Variants in STAU2 observed in about 807,000 individuals in gnomAD.
STAU2 encodes double-stranded RNA-binding protein Staufen homolog 2.
STAU2 carries 20 observed loss-of-function variants against 65.9 expected under a neutral mutation model. The ratio of observed to expected loss-of-function variants is 0.30; its 90% CI spans 0.21 to 0.44. The LOEUF is 0.44. Among genes scored for constraint, STAU2 ranks in the 20% least tolerant of loss-of-function variants. The pLI is 1.00. For synonymous variants in STAU2, 232 were observed against 233.9 expected (o/e 0.99, Z 0.07); for missense variants, 558 against 683.9 (o/e 0.82, Z 2.05).
chr8:73,703,796 G>A (rs993023019), intron 4 of STAU2, among the ~76,000 whole-genome samples: 1 of 152,248 alleles, frequency 6.6e-6, no homozygotes, highest in East Asian at 1.9e-4. Flanking sequence ...AGCTGTGTGG[G>A]GTCCCAGGTA....
intron 12 of STAU2, among the ~76,000 whole-genome samples, chr8:73,560,866 C>T (rs1808176111): frequency 6.6e-6 from 1 of 152,146 alleles, no homozygotes; most frequent in Non-Finnish European, 1.5e-5. Context: ...GTACCTTAGT[C>T]AAATAAAAGT....
intron 12 of STAU2, among the ~76,000 whole-genome samples, chr8:73,570,200 G>A (rs1393173961): frequency 6.6e-6 from 1 of 152,164 alleles, no homozygotes; most frequent in Non-Finnish European, 1.5e-5. Flanking sequence ...TTGATCAAGT[G>A]GAAGTAAGGG....
At chr8:73,735,147 T>C (rs904956088) in intron 3 of STAU2, among the ~76,000 whole-genome samples, 2 of 152,084 alleles carry the variant, frequency 1.3e-5, no homozygotes, top group Non-Finnish European at 2.9e-5. Flanking sequence ...CCCAAGCTGG[T>C]CTCAAAATCC....
chr8:73,516,819 G>A (rs1050908416), intron 13 of STAU2, among the ~76,000 whole-genome samples: 10 of 152,126 alleles, frequency 6.6e-5, no homozygotes, highest in South Asian at 2.1e-4. Context: ...TCTCAAATCC[G>A]TGGCCTAGGG....
At chr8:73,421,508 G>A (rs1331778105) in intron 14 of STAU2, 43 bp from the exon 15 acceptor site, 3 of 1,525,676 alleles carry the variant, frequency 2.0e-6, no homozygotes, top group East Asian at 2.4e-5. Flanking sequence ...GCCTGGGGTT[G>A]CACATCTTCA....
chr8:73,424,783 C>T (rs57365702), intron 13 of STAU2, among the ~76,000 whole-genome samples: 19,620 of 151,328 alleles, frequency 0.13, 3,732 homozygotes, highest in African/African-American at 0.42. Flanking sequence ...AGTCGGCATG[C>T]GTCCTTTCTT....
At chr8:73,688,520 GTGTGTGTGTGTAGGTA>G in intron 5 of STAU2, 118 bp downstream of exon 5, 22 of 747,596 alleles carry the variant, frequency 2.9e-5, no homozygotes, top group Middle Eastern at 2.9e-4. Flanking sequence ...GTGTGTGTGT[GTGTGTGTGTGTAGGTA>G]TGGGCATATG....
chr8:73,713,319 T>A (rs1187511453), intron 3 of STAU2, among the ~76,000 whole-genome samples: 1 of 152,142 alleles, frequency 6.6e-6, no homozygotes, highest in African/African-American at 2.4e-5. Context: ...TAGGAACCAG[T>A]GAAGAAACAC....
At chr8:73,470,757 T>C (rs61393475) in intron 13 of STAU2, among the ~76,000 whole-genome samples, 45,612 of 151,792 alleles carry the variant, frequency 0.3, 7,407 homozygotes, top group East Asian at 0.55. Flanking sequence ...TGAGCTATGA[T>C]TGCACCACTG....
chr8:73,718,178 G>C (rs1216896310), intron 3 of STAU2, among the ~76,000 whole-genome samples: 1 of 152,254 alleles, frequency 6.6e-6, no homozygotes, highest in Non-Finnish European at 1.5e-5. Flanking sequence ...TCTGTTTAGA[G>C]ACTTCTTGTT....
intron 13 of STAU2, among the ~76,000 whole-genome samples, chr8:73,532,836 T>C (rs1034805902): frequency 5.3e-5 from 8 of 152,140 alleles, no homozygotes; most frequent in Non-Finnish European, 7.4e-5. Context: ...TTTCAACCAA[T>C]TGCCAATCAG....
chr8:73,554,173 A>C (rs2128944586), intron 12 of STAU2, among the ~76,000 whole-genome samples: 1 of 152,314 alleles, frequency 6.6e-6, no homozygotes, highest in South Asian at 2.1e-4. Context: ...CTCTGAGACA[A>C]GCAAGACTGA....
chr8:73,439,019 C>A (rs1275127583), intron 13 of STAU2: 1 of 456,624 alleles, frequency 2.2e-6, no homozygotes. Flanking sequence ...TAGAAGACTG[C>A]ATCAGCAAAA....
chr8:73,494,840 G>A (rs1821319908), intron 13 of STAU2, among the ~76,000 whole-genome samples: 1 of 151,318 alleles, frequency 6.6e-6, no homozygotes, highest in Non-Finnish European at 1.5e-5. Flanking sequence ...TTTAACGGAA[G>A]TTTTGTTAAC....
At chr8:73,474,262 G>GCGT (rs1236609257) in intron 13 of STAU2, among the ~76,000 whole-genome samples, 1 of 152,152 alleles carries the variant, frequency 6.6e-6, no homozygotes, top group Non-Finnish European at 1.5e-5. Flanking sequence ...TTCTTGAAAT[G>GCGT]TCTGCCAGCA....
intron 3 of STAU2, among the ~76,000 whole-genome samples, chr8:73,714,459 T>A (rs1821108961): frequency 6.6e-6 from 1 of 152,170 alleles, no homozygotes; most frequent in African/African-American, 2.4e-5. Flanking sequence ...TACCCAGGCA[T>A]CAAACTGCTC....
At chr8:73,523,923 T>C (rs930258076) in intron 13 of STAU2, among the ~76,000 whole-genome samples, 4 of 152,156 alleles carry the variant, frequency 2.6e-5, no homozygotes, top group African/African-American at 9.7e-5. Flanking sequence ...TTTTCACACC[T>C]ATAATCCCAG....
intron 12 of STAU2, among the ~76,000 whole-genome samples, chr8:73,574,813 G>C (rs1809397541): frequency 6.6e-6 from 1 of 151,850 alleles, no homozygotes; most frequent in Non-Finnish European, 1.5e-5. Context: ...TGTAAATGAC[G>C]AGTTAATGGG....
intron 13 of STAU2, among the ~76,000 whole-genome samples, chr8:73,427,075 T>C (rs1375381952): frequency 1.3e-5 from 2 of 151,898 alleles, no homozygotes; most frequent in African/African-American, 4.8e-5. Context: ...ATTACAGGCA[T>C]GCACCACCAC....
Sources: gnomAD v4.1 joint callset for allele counts (sites outside exome capture counted in the v4.1 genomes callset) on GRCh38, gnomAD v4.1.1 for gene constraint, MANE v1.5 for transcripts, NCBI Gene and HGNC (gene_info 2026-07-23, HGNC 2026-07-21) for gene names.